The following UMAD1 variants were observed in gnomAD, a reference collection of about 807,000 sequenced individuals.
The protein encoded by UMAD1 is UBAP1-MVB12-associated (UMA)-domain containing protein 1.
In UMAD1, 8 loss-of-function variants were observed where a neutral mutation model predicts 6.1. That is an observed-to-expected ratio of 1.30 (90% CI 0.76 to 2.35). The LOEUF (loss-of-function observed/expected upper bound fraction) is 2.35. UMAD1 is among the 30% of genes most tolerant of loss of function. The pLI, the probability that UMAD1 is intolerant of heterozygous loss-of-function variation, is 0.00. For synonymous variants in UMAD1, 56 were observed against 31.4 expected, an observed-to-expected ratio of 1.78 and a Z score of -2.61; for missense variants, 130 against 78.4, an observed-to-expected ratio of 1.66 and a Z score of -2.49.
At chr7:7,674,219 A>T (rs1213724086) in intron 2 of UMAD1, among the ~76,000 whole-genome samples, 1 of 152,082 alleles carries the variant, frequency 6.6e-6, no homozygotes, top group Admixed American at 6.5e-5. Flanking sequence ...GCATTAACTC[A>T]TATGGTCTTC....
chr7:7,726,341 A>C (rs1781137229), intron 2 of UMAD1, among the ~76,000 whole-genome samples: 1 of 152,244 alleles, frequency 6.6e-6, no homozygotes, highest in African/African-American at 2.4e-5. Context: ...CAGCTAAAGA[A>C]GTGCAGCAGT....
At chr7:7,701,142 A>G (rs1780452481) in intron 2 of UMAD1, among the ~76,000 whole-genome samples, 1 of 152,236 alleles carries the variant, frequency 6.6e-6, no homozygotes, top group Non-Finnish European at 1.5e-5. Flanking sequence ...GACATTTAAT[A>G]AACATGTTCT....
chr7:7,799,581 G>T (rs951982385), intron 2 of UMAD1, among the ~76,000 whole-genome samples: 1 of 152,202 alleles, frequency 6.6e-6, no homozygotes, highest in Non-Finnish European at 1.5e-5. Flanking sequence ...ATTTCTTCGA[G>T]TAAAGGACTT....
intron 2 of UMAD1, among the ~76,000 whole-genome samples, chr7:7,769,077 G>C (rs1277762597): frequency 2.0e-5 from 3 of 152,136 alleles, no homozygotes; most frequent in South Asian, 2.1e-4. Context: ...ACCAAGACCA[G>C]ATGTCCCTTT....
At chr7:7,773,339 T>G (rs749359487) in intron 2 of UMAD1, among the ~76,000 whole-genome samples, 17 of 152,180 alleles carry the variant, frequency 1.1e-4, no homozygotes, top group South Asian at 2.1e-4. Flanking sequence ...AAAATTATAC[T>G]TTTCTTGATA....
chr7:7,838,642 A>C (rs1455838021), intron 3 of UMAD1, among the ~76,000 whole-genome samples: 1 of 152,210 alleles, frequency 6.6e-6, no homozygotes. Flanking sequence ...ATAGACATAC[A>C]AGAATGATCA....
At chr7:7,655,889 G>A (rs1785329571) in intron 1 of UMAD1, among the ~76,000 whole-genome samples, 1 of 152,136 alleles carries the variant, frequency 6.6e-6, no homozygotes, top group African/African-American at 2.4e-5. Flanking sequence ...AGGCTGGAAT[G>A]CCATGGTGTG....
intron 2 of UMAD1, among the ~76,000 whole-genome samples, chr7:7,739,327 A>T (rs1726398643): frequency 6.6e-6 from 1 of 152,162 alleles, no homozygotes; most frequent in Non-Finnish European, 1.5e-5. Context: ...GAAATTTATC[A>T]TATTTTTAGT....
rs891331583 is a variant in UMAD1 at position 7,877,460 on chromosome 7, C to G, written c.336C>G (p.Leu112=). 4 of 717,568 alleles carry G rather than the reference C, an allele frequency of 5.6e-6. No individual in the cohort carries two copies. Among genetic ancestry groups the G allele is most frequent in the African/African-American group, 5.2e-5 (3 of 57,260 alleles). 44.5% of individuals were successfully genotyped at this position (717,568 alleles called of 1,614,324 possible). A position where few individuals can be genotyped will look rare whatever the true frequency, so the allele number is the denominator to read the frequency against. The change falls in exon 4 of 4, where the codon CTC becomes CTG. Residue 112 remains leucine (L), a synonymous_variant. Transcript: ENST00000682710. The part of the protein sequence containing the change: ...GTITDLPDHL[L]SYDGSENLSR... ...TCACTGACCTTCCCGACCACTTACT[C>G]TCCTATGATGGCAGCGAAAACTTAT...
intron 2 of UMAD1, among the ~76,000 whole-genome samples, chr7:7,764,301 G>C (rs1408752811): frequency 2.0e-5 from 3 of 152,140 alleles, no homozygotes; most frequent in African/African-American, 4.8e-5. Flanking sequence ...CAGACCCATA[G>C]CTATCAATAT....
chr7:7,748,859 G>A (rs1332761152), intron 2 of UMAD1, among the ~76,000 whole-genome samples: 1 of 152,108 alleles, frequency 6.6e-6, no homozygotes, highest in Non-Finnish European at 1.5e-5. Context: ...TTAGGATTTA[G>A]CTCTATCAGC....
rs568284061 is a variant in UMAD1, at chr7:7,832,629, A to G, written c.156+30886A>G. On this transcript the variant is annotated intron_variant, in intron 3 of 3. Coordinates refer to ENST00000682710, the MANE Select transcript of UMAD1 (RefSeq NM_001302348.2). The stretch of plus-strand genomic sequence containing the variant: ...GTTTAGTAACGGCCTCTTTTAAGAC[A>G]GCTACTCTTTAACAGTGCTCTTCAG... Among the ~76,000 whole-genome samples the G allele has an allele frequency of 2.0e-5, 3 of 152,316 alleles. No homozygotes were observed. The East Asian group carries it at 5.8e-4, about 29-fold the overall frequency.
At chr7:7,815,692 T>C (rs1013053780) in intron 3 of UMAD1, among the ~76,000 whole-genome samples, 2 of 152,066 alleles carry the variant, frequency 1.3e-5, no homozygotes, top group Non-Finnish European at 2.9e-5. Context: ...TCAAAAAATC[T>C]CTAACAGTTT....
intron 3 of UMAD1, among the ~76,000 whole-genome samples, chr7:7,835,974 A>C (rs1488842240): frequency 6.6e-6 from 1 of 152,030 alleles, no homozygotes; most frequent in African/African-American, 2.4e-5. Flanking sequence ...CTTTTTATCA[A>C]ATCAAACAAT....
At chr7:7,755,501 T>C (rs1342988121) in intron 2 of UMAD1, among the ~76,000 whole-genome samples, 1 of 152,234 alleles carries the variant, frequency 6.6e-6, no homozygotes, top group Non-Finnish European at 1.5e-5. Flanking sequence ...ATTTTCTCTT[T>C]CACATCTGGT....
chr7:7,796,407 G>A (rs1031214828), intron 2 of UMAD1, among the ~76,000 whole-genome samples: 4 of 151,510 alleles, frequency 2.6e-5, no homozygotes, highest in South Asian at 4.2e-4. Context: ...GTGCCCTACC[G>A]CACCCGGCTA....
At chr7:7,870,625 T>C (rs1784315200) in intron 3 of UMAD1, among the ~76,000 whole-genome samples, 1 of 152,206 alleles carries the variant, frequency 6.6e-6, no homozygotes, top group African/African-American at 2.4e-5. Flanking sequence ...ACTGCTTCCA[T>C]TGGCTGCCAG....
At chr7:7,796,240 CTTTCTTTTTT>C (rs1232494434) in intron 2 of UMAD1, among the ~76,000 whole-genome samples, 24 of 95,986 alleles carry the variant, frequency 2.5e-4, no homozygotes, top group African/African-American at 1.3e-3. Flanking sequence ...TTTCTATTTT[CTTTCTTTTTT>C]TTTTTTTTTT....
At chr7:7,773,113 A>C (rs926582710) in intron 2 of UMAD1, among the ~76,000 whole-genome samples, 16 of 152,210 alleles carry the variant, frequency 1.1e-4, no homozygotes, top group African/African-American at 3.9e-4. Flanking sequence ...AAGATGATTT[A>C]GTTTGTGAGA....
Sources: gnomAD v4.1 joint callset for allele counts (sites outside exome capture counted in the v4.1 genomes callset) on GRCh38, gnomAD v4.1.1 for gene constraint, MANE v1.5 for transcripts, NCBI Gene and HGNC (gene_info 2026-07-23, HGNC 2026-07-21) for gene names.